Variants in GABRB2 observed in about 807,000 individuals in gnomAD.
GABRB2 encodes gamma-aminobutyric acid receptor subunit beta-2.
In GABRB2, 16 loss-of-function variants were observed where a neutral mutation model predicts 54.7. The ratio of observed to expected loss-of-function variants is 0.29; its 90% CI spans 0.20 to 0.44. GABRB2 has a LOEUF of 0.44. GABRB2 is among the 20% of genes least tolerant of loss of function. The pLI is 1.00. For synonymous variants in GABRB2, 244 were observed against 233.8 expected, an observed-to-expected ratio of 1.04 and a Z score of -0.40; for missense variants, 355 against 644.0, an observed-to-expected ratio of 0.55 and a Z score of 4.86.
intron 5 of GABRB2, among the ~76,000 whole-genome samples, chr5:161,379,213 T>A (rs956250216): frequency 7.9e-5 from 12 of 152,166 alleles, no homozygotes; most frequent in Non-Finnish European, 1.8e-4. Flanking sequence ...ATAAACTCAT[T>A]GTAGTTATCT....
At chr5:161,309,833 G>A (rs981177325) in intron 9 of GABRB2, among the ~76,000 whole-genome samples, 19 of 150,958 alleles carry the variant, frequency 1.3e-4, no homozygotes, top group African/African-American at 3.2e-4. Flanking sequence ...GGGTTTCACC[G>A]TGTTAGCCAG....
chr5:161,327,308 G>A (rs1201619729), intron 8 of GABRB2, among the ~76,000 whole-genome samples: 1 of 152,180 alleles, frequency 6.6e-6, no homozygotes, highest in Non-Finnish European at 1.5e-5. Context: ...GATTTTTCAG[G>A]TGAAATCAAC....
chr5:161,312,032 G>A (rs1757885663), intron 9 of GABRB2, among the ~76,000 whole-genome samples: 1 of 152,034 alleles, frequency 6.6e-6, no homozygotes, highest in Non-Finnish European at 1.5e-5. Context: ...GTGTGTGTGT[G>A]TGTGTGTGTG....
intron 9 of GABRB2, among the ~76,000 whole-genome samples, chr5:161,303,206 A>C (rs564549345): frequency 6.6e-6 from 1 of 152,340 alleles, no homozygotes; most frequent in South Asian, 2.1e-4. Flanking sequence ...ACAATAATTT[A>C]AACTTATGTT....
intron 8 of GABRB2, chr5:161,330,623 T>C (rs1753809523): frequency 2.2e-6 from 1 of 449,490 alleles, no homozygotes; most frequent in Admixed American, 3.3e-5. Context: ...GGTACTATAC[T>C]CAATATGTGA....
chr5:161,403,214 C>T (rs556255869), intron 5 of GABRB2, among the ~76,000 whole-genome samples: 98 of 152,230 alleles, frequency 6.4e-4, no homozygotes, highest in African/African-American at 2.3e-3. Flanking sequence ...TTTCAGATAG[C>T]TCTGGGCATT....
At chr5:161,416,485 C>T (rs1383690037) in intron 4 of GABRB2, among the ~76,000 whole-genome samples, 2 of 151,702 alleles carry the variant, frequency 1.3e-5, no homozygotes, top group Admixed American at 1.3e-4. Context: ...AAGAAAGTGA[C>T]TTTGAACTTC....
intron 3 of GABRB2, among the ~76,000 whole-genome samples, chr5:161,478,762 G>T (rs779554566): frequency 2.6e-5 from 4 of 151,864 alleles, no homozygotes; most frequent in Non-Finnish European, 5.9e-5. Context: ...TGATGAGCAG[G>T]GTCCATCCCA....
chr5:161,501,630 T>G (rs1366753770), intron 3 of GABRB2, among the ~76,000 whole-genome samples: 1 of 152,164 alleles, frequency 6.6e-6, no homozygotes, highest in Non-Finnish European at 1.5e-5. Context: ...TTTCCAAGGA[T>G]AATTTGGCAA....
chr5:161,506,149 A>T (rs1233058424), intron 3 of GABRB2, among the ~76,000 whole-genome samples: 2 of 152,148 alleles, frequency 1.3e-5, no homozygotes, highest in Non-Finnish European at 2.9e-5. Flanking sequence ...ACATCAGGAA[A>T]ATAAATTCTC....
At chr5:161,438,870 A>G (rs1412292522) in intron 4 of GABRB2, among the ~76,000 whole-genome samples, 3 of 152,106 alleles carry the variant, frequency 2.0e-5, no homozygotes, top group African/African-American at 7.2e-5. Context: ...ACAAAAGAAA[A>G]AAGAACGGAA....
intron 4 of GABRB2, among the ~76,000 whole-genome samples, chr5:161,414,420 C>A (rs1050669521): frequency 1.3e-5 from 2 of 151,586 alleles, no homozygotes; most frequent in African/African-American, 4.9e-5. Context: ...ACTCATTTTA[C>A]TAGAAGTTAT....
Position 161,546,614 on chromosome 5 carries a change from A to T in GABRB2, c.30T>A (p.Phe10Leu). Residue 10 changes from phenylalanine (F) to leucine (L), a missense_variant, in exon 1 of 10, where the codon TTT becomes TTA. By Grantham distance (22) the Phe-to-Leu change is conservative. Around this residue, in one of 6 missense-constraint regions of GABRB2, gnomAD observed 42 missense variants for 43.0 expected, o/e 0.98. Transcript: ENST00000393959. The part of the protein sequence containing the change: MWRVRKRGY[F>L]GIWSFPLIIA... ...TTATTAAGGGGAAGGACCAAATCCC[A>T]AAGTAGCCCCTTTTCCGCACTCTCC... 2 of 1,600,710 alleles carry T rather than the reference A, an allele frequency of 1.2e-6. No homozygotes were observed. Among genetic ancestry groups the T allele is most frequent in the Non-Finnish European group, 1.7e-6 (2 of 1,173,156 alleles).
intron 8 of GABRB2, chr5:161,326,974 G>A (rs1758384509): frequency 2.8e-5 from 28 of 983,588 alleles, no homozygotes; most frequent in Non-Finnish European, 3.4e-5. Flanking sequence ...GAGAAGTAAG[G>A]GGAGTTGAAA....
At chr5:161,405,909 A>G (rs1756336593) in intron 5 of GABRB2, among the ~76,000 whole-genome samples, 1 of 152,064 alleles carries the variant, frequency 6.6e-6, no homozygotes, top group Admixed American at 6.6e-5. Context: ...TATTCCATCA[A>G]TGACCCAACA....
chr5:161,382,103 T>G (rs1755486946), intron 5 of GABRB2, among the ~76,000 whole-genome samples: 1 of 152,118 alleles, frequency 6.6e-6, no homozygotes, highest in Non-Finnish European at 1.5e-5. Context: ...AAATATCTGG[T>G]TTTTGTCCAT....
chr5:161,348,212 C>G (rs1001451098), intron 5 of GABRB2, among the ~76,000 whole-genome samples: 10 of 151,888 alleles, frequency 6.6e-5, no homozygotes, highest in Non-Finnish European at 8.8e-5. Context: ...TTCATAATTA[C>G]CATGTTAGGA....
intron 4 of GABRB2, among the ~76,000 whole-genome samples, chr5:161,429,603 T>G (rs557209459): frequency 1.3e-5 from 2 of 152,234 alleles, no homozygotes; most frequent in South Asian, 4.1e-4. Context: ...TGTGTTGAGA[T>G]TTAAACCTGG....
chr5:161,441,925 G>C (rs774468126), intron 4 of GABRB2, among the ~76,000 whole-genome samples: 2 of 152,168 alleles, frequency 1.3e-5, no homozygotes, highest in African/African-American at 2.4e-5. Context: ...TAGACATAGA[G>C]TGAAGAAGAA....
Sources: allele counts gnomAD v4.1 joint callset (sites outside exome capture counted in the v4.1 genomes callset), GRCh38; gene constraint gnomAD v4.1.1; regional missense constraint gnomAD v4.1.1; transcripts MANE v1.5; gene names NCBI Gene and HGNC (gene_info 2026-07-23, HGNC 2026-07-21).